MBD2: variants seen among roughly 807,000 people sequenced by gnomAD.
MBD2 encodes the protein methyl-CpG binding domain protein 2.
In MBD2, 9 loss-of-function variants were observed where a neutral mutation model predicts 39.3. The ratio of observed to expected loss-of-function variants is 0.23; its 90% CI spans 0.14 to 0.40. The LOEUF is 0.40. MBD2 is among the 10% of genes least tolerant of loss of function. The probability of loss-of-function intolerance (pLI) is 1.00; values close to 1 mark genes in which losing one functional copy is unlikely to be tolerated. For synonymous variants in MBD2, 233 were observed against 211.1 expected, an observed-to-expected ratio of 1.10 and a Z score of -0.90; for missense variants, 458 against 532.6, an observed-to-expected ratio of 0.86 and a Z score of 1.38.
chr18:54,224,101 C>T lies in MBD2; in HGVS notation c.459G>A (p.Pro153=), dbSNP rs1489301629. The T allele has an allele frequency of 6.9e-6, 11 of 1,590,206 alleles. No individual in the cohort carries two copies. Among genetic ancestry groups the T allele is most frequent in the Non-Finnish European group, 9.4e-6 (11 of 1,172,438 alleles). ...CCTTCTTCCATCCGGGGGGGAGGGC[C>T]GGGCAATCCATCCTCTTCCCGCTCT... ...ATESGKRMDC[P]ALPPGWKKEE... The change falls in exon 1 of 7, where the codon CCG becomes CCA. Residue 153 remains proline, a synonymous_variant. Coordinates refer to ENST00000256429, the MANE Select transcript of MBD2 (RefSeq NM_003927.5).
chr18:54,202,630 T>C, intron 2 of MBD2: 3 of 822,692 alleles, frequency 3.6e-6, no homozygotes, highest in Non-Finnish European at 4.6e-6. Context: ...CCTCCAAAAA[T>C]TAAGGCAGAA....
Position 54,153,602 on chromosome 18 carries a change from C to A in MBD2, c.*1722G>T, listed in dbSNP as rs1440054941. 1 of 152,192 alleles carries A rather than the reference C, an allele frequency of 6.6e-6. No homozygotes were observed. Among genetic ancestry groups the A allele is most frequent in the Non-Finnish European group, 1.5e-5 (1 of 68,050 alleles). 9.4% of individuals were successfully genotyped at this position (152,192 alleles called of 1,614,324 possible). A position where few individuals can be genotyped will look rare whatever the true frequency, so the allele number is the denominator to read the frequency against. On this transcript the variant is annotated 3_prime_UTR_variant, in exon 7 of 7. Transcript: ENST00000256429. Reference sequence around the variant, plus strand: ...GGTGAAGTTACCCCAACCCTGATCACAAATGAAGAATCGTGGACTCGGGGG... The same window carrying A: ...GGTGAAGTTACCCCAACCCTGATCAAAAATGAAGAATCGTGGACTCGGGGG...
intron 1 of MBD2, among the ~76,000 whole-genome samples, chr18:54,216,334 G>A (rs528991638): frequency 3.0e-4 from 45 of 152,214 alleles, no homozygotes; most frequent in Non-Finnish European, 6.2e-4. Context: ...CCCTATAAGG[G>A]GAGTCAGGCC....
At chr18:54,190,207 T>A (rs1007984530) in intron 2 of MBD2, among the ~76,000 whole-genome samples, 1 of 152,322 alleles carries the variant, frequency 6.6e-6, no homozygotes, top group South Asian at 2.1e-4. Context: ...ACAGTAGGTC[T>A]TTGAATAATG....
chr18:54,186,378 A>C (rs764341360), intron 3 of MBD2, among the ~76,000 whole-genome samples: 2 of 152,164 alleles, frequency 1.3e-5, no homozygotes, highest in Non-Finnish European at 2.9e-5. Flanking sequence ...ATGGATAGCA[A>C]AATTGGAAGA....
Position 54,177,542 on chromosome 18 carries a change from G to A in MBD2, c.840+11332C>T, listed in dbSNP as rs191968478. On this transcript the variant is annotated intron_variant, in intron 3 of 6. Coordinates refer to ENST00000256429, the MANE Select transcript of MBD2 (RefSeq NM_003927.5). ...GTCGCCCTGGCTGGAGTGCAGTGGC[G>A]CGATCTCGGCTCACTGCAAGCTCCG... is the stretch of plus-strand genomic sequence containing the variant. 4.7e-3 allele frequency among the ~76,000 whole-genome samples: 710 copies of A among 151,770 alleles called. 3 individuals carry two copies. The highest frequency in any genetic ancestry group is 6.9e-3 in the Non-Finnish European group (470 of 67,934).
At chr18:54,215,452 C>T (rs1490409893) in intron 1 of MBD2, among the ~76,000 whole-genome samples, 1 of 151,788 alleles carries the variant, frequency 6.6e-6, no homozygotes, top group Non-Finnish European at 1.5e-5. Context: ...AGAAACATAG[C>T]CTCCCAAGAT....
chr18:54,206,951 T>C (rs2086454965), intron 1 of MBD2, among the ~76,000 whole-genome samples: 1 of 152,198 alleles, frequency 6.6e-6, no homozygotes, highest in Non-Finnish European at 1.5e-5. Flanking sequence ...CCTGATCTTC[T>C]ATATTCCGCA....
chr18:54,161,365 G>C (rs900649180), intron 5 of MBD2, among the ~76,000 whole-genome samples: 1 of 152,218 alleles, frequency 6.6e-6, no homozygotes, highest in African/African-American at 2.4e-5. Context: ...CATATTAAAA[G>C]AAACTGGAAT....
chr18:54,190,944 TAACA>T (rs2086316164), intron 2 of MBD2, among the ~76,000 whole-genome samples: 1 of 152,166 alleles, frequency 6.6e-6, no homozygotes, highest in African/African-American at 2.4e-5. Flanking sequence ...GCAATACTCT[TAACA>T]AACAAGAAAG....
At chr18:54,160,027 A>C in intron 5 of MBD2, 124 bp from the exon 6 acceptor site, 1 of 1,105,616 alleles carries the variant, frequency 9.0e-7, no homozygotes, top group Non-Finnish European at 1.3e-6. Context: ...CTTCCTTTTC[A>C]GATTTTTGCA....
intron 3 of MBD2, among the ~76,000 whole-genome samples, chr18:54,174,672 G>A (rs2086199110): frequency 6.6e-6 from 1 of 152,046 alleles, no homozygotes; most frequent in Non-Finnish European, 1.5e-5. Flanking sequence ...TATACTTTAG[G>A]TTAAATGGTA....
At chr18:54,211,386 T>TACAC (rs1402095105) in intron 1 of MBD2, among the ~76,000 whole-genome samples, 11 of 64,914 alleles carry the variant, frequency 1.7e-4, no homozygotes, top group African/African-American at 6.9e-4. Flanking sequence ...ATATTATTGC[T>TACAC]ATACACACAC....
chr18:54,224,202 C>CGCCGCCACCGCTGCCGCCGCCGCCGCA lies in MBD2; in HGVS notation c.331_357dup (p.Cys111_Gly119dup). ...GGGACCGGCTCCCGCCGGGGGGCGCCGCCGCCACCGCTGCCGCCGCCGCCG... is the reference window on the plus strand; with the variant it reads ...GGGACCGGCTCCCGCCGGGGGGCGCCGCCGCCACCGCTGCCGCCGCCGCCGCAGCCGCCACCGCTGCCGCCGCCGCCG... On this transcript the variant is annotated inframe_insertion, in exon 1 of 7. Transcript: ENST00000256429. The CGCCGCCACCGCTGCCGCCGCCGCCGCA allele has an allele frequency of 8.4e-7, 1 of 1,191,760 alleles. No individual in the cohort carries two copies. Among genetic ancestry groups the CGCCGCCACCGCTGCCGCCGCCGCCGCA allele is most frequent in the Non-Finnish European group, 1.0e-6 (1 of 963,974 alleles). The allele number at this position is 1,191,760 out of a possible 1,614,324, so 73.8% of individuals were successfully genotyped here.
At chr18:54,188,196 T>C (rs2086297183) in intron 3 of MBD2, among the ~76,000 whole-genome samples, 1 of 152,088 alleles carries the variant, frequency 6.6e-6, no homozygotes, top group Non-Finnish European at 1.5e-5. Context: ...TGACCACAAT[T>C]AGGGAGTGAA....
chr18:54,181,743 C>T (rs573754869), intron 3 of MBD2, among the ~76,000 whole-genome samples: 1 of 152,298 alleles, frequency 6.6e-6, no homozygotes, highest in East Asian at 1.9e-4. Context: ...ACGTGATCCA[C>T]CCGCCTCGGC....
intron 1 of MBD2, among the ~76,000 whole-genome samples, chr18:54,211,255 A>C (rs888320928): frequency 1.3e-5 from 2 of 152,106 alleles, no homozygotes; most frequent in African/African-American, 4.8e-5. Context: ...CATTTCCCTA[A>C]CTTTAAATAA....
At chr18:54,209,290 C>T (rs1261085527) in intron 1 of MBD2, among the ~76,000 whole-genome samples, 3 of 122,168 alleles carry the variant, frequency 2.5e-5, no homozygotes, top group African/African-American at 9.1e-5. Context: ...GAGTGAGACT[C>T]CATCTCCAAA....
At chr18:54,157,985 C>G (rs927340067) in intron 6 of MBD2, among the ~76,000 whole-genome samples, 3 of 152,220 alleles carry the variant, frequency 2.0e-5, no homozygotes, top group African/African-American at 4.8e-5. Flanking sequence ...GCAGCAACAT[C>G]CCAACTGGTC....
Sources: gnomAD v4.1 joint callset for allele counts (sites outside exome capture counted in the v4.1 genomes callset) on GRCh38, gnomAD v4.1.1 for gene constraint, MANE v1.5 for transcripts, NCBI Gene and HGNC (gene_info 2026-07-23, HGNC 2026-07-21) for gene names.